The following NECAB2 variants were observed in gnomAD, a reference collection of about 807,000 sequenced individuals.
The protein encoded by NECAB2 is N-terminal EF-hand calcium binding protein 2, also known as N-terminal EF-hand calcium-binding protein 2.
In NECAB2, 68 loss-of-function variants were observed where a neutral mutation model predicts 51.9. The observed-to-expected ratio is 1.31, with a 90% confidence interval of 1.08 to 1.60. The LOEUF is 1.60. Ranked by LOEUF, NECAB2 falls within the 40% of genes most tolerant of loss-of-function variation. NECAB2 has a pLI of 0.00. For synonymous variants in NECAB2, 329 were observed against 203.5 expected, an observed-to-expected ratio of 1.62 and a Z score of -5.25; for missense variants, 854 against 490.3, an observed-to-expected ratio of 1.74 and a Z score of -7.00.
chr16:83,969,725 G>T (rs1486206795), intron 1 of NECAB2, among the ~76,000 whole-genome samples: 1 of 152,188 alleles, frequency 6.6e-6, no homozygotes, highest in Non-Finnish European at 1.5e-5. Flanking sequence ...GGTGGAGGAG[G>T]CTTCTGGGGA....
chr16:83,976,032 G>A (rs1436394781), intron 2 of NECAB2, among the ~76,000 whole-genome samples: 1 of 152,126 alleles, frequency 6.6e-6, no homozygotes, highest in African/African-American at 2.4e-5. Context: ...TGTGCCGAGG[G>A]GGCACCTTGC....
intron 8 of NECAB2, among the ~76,000 whole-genome samples, chr16:83,995,810 G>C (rs1407086473): frequency 6.6e-6 from 1 of 152,208 alleles, no homozygotes; most frequent in East Asian, 1.9e-4. Context: ...CTCCTGCAGG[G>C]ATGAGGCTGA....
At chr16:83,967,737 T>TGGAC (rs2084301654), upstream of NECAB2, among the ~76,000 whole-genome samples, 1 of 131,764 alleles carries the variant, frequency 7.6e-6, no homozygotes, top group Non-Finnish European at 1.6e-5. Flanking sequence ...GATGGATGGA[T>TGGAC]GGATGGATGG....
At chr16:84,000,652 C>A in intron 10 of NECAB2, 72 bp from the exon 11 acceptor site, 2 of 1,393,330 alleles carry the variant, frequency 1.4e-6, no homozygotes, top group Non-Finnish European at 2.0e-6. Context: ...TCTCAGGCCA[C>A]CCCAGGGGAA....
chr16:83,997,353 G>T (rs1301592265), intron 9 of NECAB2, 84 bp downstream of exon 9: 4 of 1,543,344 alleles, frequency 2.6e-6, no homozygotes, highest in East Asian at 2.3e-5. Flanking sequence ...CAATGCCCCT[G>T]ACCCCGCTCT....
At chr16:83,997,145 C>A in intron 8 of NECAB2, 71 bp from the exon 9 acceptor site, 1 of 1,600,766 alleles carries the variant, frequency 6.2e-7, no homozygotes. Context: ...CCCAGGGATC[C>A]CAGAGCTCCT....
chr16:83,968,648 G>C lies in NECAB2; in HGVS notation c.-1G>C. On this transcript the variant is annotated 5_prime_UTR_variant, in exon 1 of 13. Coordinates refer to ENST00000305202, the MANE Select transcript of NECAB2 (RefSeq NM_019065.3). ...CGGGCGGCGGCGGCGGGCGCGGCGCGATGTGCGAGCGGGCGGCGCGCCTGT... is the reference window on the plus strand; with the variant it reads ...CGGGCGGCGGCGGCGGGCGCGGCGCCATGTGCGAGCGGGCGGCGCGCCTGT... 1.0e-6 allele frequency: 1 copy of C among 980,438 alleles called. No individual in the cohort carries two copies. The highest frequency in any genetic ancestry group is 1.2e-6 in the Non-Finnish European group (1 of 828,224). The allele number at this position is 980,438 out of a possible 1,614,324, so 60.7% of individuals were successfully genotyped here. A position where few individuals can be genotyped will look rare whatever the true frequency, so the allele number is the denominator to read the frequency against.
rs572455143 is a variant in NECAB2 at position 83,999,651 on chromosome 16, G to A, written c.963-1073G>A. On this transcript the variant is annotated intron_variant, in intron 10 of 12. Coordinates refer to ENST00000305202, the MANE Select transcript of NECAB2 (RefSeq NM_019065.3). ...GTAGTGCACTTGCAGAGAGGATTCT[G>A]GGGCGGCATAGACTATCAGCACCTT... Among the ~76,000 whole-genome samples, 4 of 152,222 alleles carry A rather than the reference G, an allele frequency of 2.6e-5. No homozygotes were observed. The South Asian group carries it at 8.3e-4, about 32-fold the overall frequency.
intron 8 of NECAB2, among the ~76,000 whole-genome samples, chr16:83,996,752 G>T (rs1391554211): frequency 6.6e-6 from 1 of 152,162 alleles, no homozygotes; most frequent in Admixed American, 6.5e-5. Context: ...AGCAGATGTG[G>T]TTCCTGGAGA....
intron 5 of NECAB2, among the ~76,000 whole-genome samples, chr16:83,989,455 C>G (rs1307463373): frequency 6.6e-6 from 1 of 152,174 alleles, no homozygotes; most frequent in Admixed American, 6.6e-5. Flanking sequence ...AATTAATTCC[C>G]AGTCAGAGTG....
At chr16:83,988,674 G>A (rs1273531546) in intron 5 of NECAB2, among the ~76,000 whole-genome samples, 1 of 152,154 alleles carries the variant, frequency 6.6e-6, no homozygotes, top group African/African-American at 2.4e-5. Flanking sequence ...TTGCAGAAAA[G>A]GTGCTCATCT....
intron 5 of NECAB2, among the ~76,000 whole-genome samples, chr16:83,982,735 A>G (rs2084504439): frequency 6.6e-6 from 1 of 152,164 alleles, no homozygotes; most frequent in Non-Finnish European, 1.5e-5. Context: ...GACCGGTTTT[A>G]GAGATCTTGC....
At chr16:83,993,482 CTGTG>C (rs534290310) in intron 6 of NECAB2, 28 of 154,184 alleles carry the variant, frequency 1.8e-4, no homozygotes, top group Non-Finnish European at 3.4e-4. Context: ...ACAGGGCACT[CTGTG>C]TGTCTTCTGG....
At chr16:83,983,237 C>G (rs534946152) in intron 5 of NECAB2, among the ~76,000 whole-genome samples, 1 of 152,262 alleles carries the variant, frequency 6.6e-6, no homozygotes, top group South Asian at 2.1e-4. Flanking sequence ...GTTTTGAATG[C>G]TTTTCTTGTA....
chr16:83,991,069 C>T (rs865883109), intron 6 of NECAB2, among the ~76,000 whole-genome samples: 6 of 152,102 alleles, frequency 3.9e-5, no homozygotes, highest in South Asian at 4.1e-4. Context: ...ACAACCTCTC[C>T]CTCCCTGGGT....
intron 5 of NECAB2, among the ~76,000 whole-genome samples, chr16:83,987,667 G>A (rs1283093456): frequency 6.6e-6 from 1 of 151,914 alleles, no homozygotes; most frequent in Non-Finnish European, 1.5e-5. Flanking sequence ...AAATATTTTA[G>A]TGTACTTATT....
chr16:83,975,232 G>GT (rs1294099025), intron 2 of NECAB2, among the ~76,000 whole-genome samples: 3 of 145,644 alleles, frequency 2.1e-5, no homozygotes, highest in Non-Finnish European at 4.5e-5. Flanking sequence ...GCAGGGAGGT[G>GT]TTGGTGCGGG....
intron 5 of NECAB2, among the ~76,000 whole-genome samples, chr16:83,984,621 C>T (rs13331133): frequency 5.4e-4 from 82 of 152,106 alleles, no homozygotes; most frequent in African/African-American, 1.9e-3. Context: ...TTCCCACCTT[C>T]TTGGGAGGCT....
chr16:83,987,064 C>G (rs1369796393), intron 5 of NECAB2, among the ~76,000 whole-genome samples: 1 of 152,156 alleles, frequency 6.6e-6, no homozygotes, highest in Admixed American at 6.6e-5. Context: ...AACTTTCTGT[C>G]CTTGGCTTCC....
Sources: gnomAD v4.1 joint callset for allele counts (sites outside exome capture counted in the v4.1 genomes callset) on GRCh38, gnomAD v4.1.1 for gene constraint, MANE v1.5 for transcripts, NCBI Gene and HGNC (gene_info 2026-07-23, HGNC 2026-07-21) for gene names.